The following RIBC2 variants were observed in gnomAD, a reference collection of about 807,000 sequenced individuals.
The protein encoded by RIBC2 is RIB43A-like with coiled-coils protein 2.
Under a neutral mutation model 44.3 loss-of-function variants are expected in RIBC2, and 40 were observed. The ratio of observed to expected loss-of-function variants is 0.90; its 90% confidence interval spans 0.70 to 1.18. RIBC2 has a LOEUF of 1.18. Among genes scored for constraint, RIBC2 ranks in the 50% most tolerant of loss-of-function variants. RIBC2 has a pLI of 0.00. For missense variants in RIBC2, 459 were observed against 485.5 expected (o/e 0.95, Z 0.51); for synonymous variants, 171 against 175.0 (o/e 0.98, Z 0.18).
chr22:45,421,565 T>TTATTAA (rs2087483340), intron 3 of RIBC2, among the ~76,000 whole-genome samples: 1 of 116,872 alleles, frequency 8.6e-6, no homozygotes, highest in African/African-American at 3.4e-5. Flanking sequence ...AATAGTATTA[T>TTATTAA]TAATAATAGT....
intron 5 of RIBC2, 75 bp from the exon 6 acceptor site, chr22:45,430,825 A>T: frequency 7.0e-7 from 1 of 1,437,392 alleles, no homozygotes; most frequent in South Asian, 1.5e-5. Context: ...ATGAGAGGCC[A>T]GGCCTCCTAG....
At chr22:45,421,579 A>G (rs2087484326) in intron 3 of RIBC2, among the ~76,000 whole-genome samples, 1 of 30,426 alleles carries the variant, frequency 3.3e-5, no homozygotes, top group African/African-American at 4.1e-4. Context: ...TAATAGTATT[A>G]TTAATAATAA....
chr22:45,426,843 T>G (rs1032328727), intron 5 of RIBC2, among the ~76,000 whole-genome samples: 1 of 151,728 alleles, frequency 6.6e-6, no homozygotes, highest in Non-Finnish European at 1.5e-5. Context: ...GGGCAGGCAG[T>G]GGGGGTGCTG....
At chr22:45,423,705 G>A (rs947523005) in intron 4 of RIBC2, among the ~76,000 whole-genome samples, 3 of 152,136 alleles carry the variant, frequency 2.0e-5, no homozygotes, top group African/African-American at 4.8e-5. Flanking sequence ...AACTGCGGGG[G>A]CTGGGGAGGA....
At chr22:45,427,101 A>G (rs779363663) in intron 5 of RIBC2, among the ~76,000 whole-genome samples, 24 of 152,200 alleles carry the variant, frequency 1.6e-4, no homozygotes, top group Non-Finnish European at 3.1e-4. Flanking sequence ...TCCATTAGAT[A>G]TCTGTATCTA....
rs370905815 is a variant in RIBC2, at chr22:45,414,500, A to T, written c.211+97A>T. ...CCCCCTGCCCCGCCTTTTTTTTTTT[A>T]TTTTTTATTTTTTTTATTTAATAGA... On this transcript the variant is annotated intron_variant, in intron 2 of 6. Coordinates refer to ENST00000614167, the MANE Select transcript of RIBC2 (RefSeq NM_015653.5). The T allele has an allele frequency of 1.6e-3, 1,124 of 714,118 alleles. 3 individuals carry two copies. Among genetic ancestry groups the T allele is most frequent in the East Asian group, 7.9e-3 (245 of 31,104 alleles). 44.2% of individuals were successfully genotyped at this position (714,118 alleles called of 1,614,324 possible). A position where few individuals can be genotyped will look rare whatever the true frequency, so the allele number is the denominator to read the frequency against.
chr22:45,414,378 T>C lies in RIBC2; in HGVS notation c.186T>C (p.Thr62=). 1 of 1,551,016 alleles carries C rather than the reference T, an allele frequency of 6.4e-7. No individual in the cohort carries two copies. The change falls in exon 2 of 7, where the codon ACT becomes ACC. Residue 62 remains threonine (T), a synonymous_variant. Transcript: ENST00000614167. ...QVHDQKIKEA[T]EKARHETFAA... Reference sequence around the variant, plus strand: ...ATGACCAGAAGATAAAAGAAGCTACTGAAAAAGCTAGACATGAAACCTTTG... The same window carrying C: ...ATGACCAGAAGATAAAAGAAGCTACCGAAAAAGCTAGACATGAAACCTTTG...
chr22:45,422,780 C>G (rs1178607827), intron 4 of RIBC2, among the ~76,000 whole-genome samples: 1 of 152,104 alleles, frequency 6.6e-6, no homozygotes, highest in African/African-American at 2.4e-5. Context: ...TCTCAGACTT[C>G]CCCTTTACTG....
In RIBC2 at chr22:45,417,855, G is replaced by C; in HGVS notation, c.465G>C (p.Glu155Asp). 6.2e-6 allele frequency: 10 copies of C among 1,614,112 alleles called. No homozygotes were observed. The highest frequency in any genetic ancestry group is 7.6e-6 in the Non-Finnish European group (9 of 1,180,012). The change falls in exon 3 of 7, where the codon GAG becomes GAC. Residue 155 changes from glutamate to aspartate, a missense_variant. Physicochemically the swap from Glu to Asp is conservative, Grantham distance 45 (BLOSUM62 2). Transcript: ENST00000614167. Reference sequence around the variant, plus strand: ...TGGGAGAGGATTTAAACTTCCATGAGAGGAAGAAATTCCAAGAGGAACAAA... The same window carrying C: ...TGGGAGAGGATTTAAACTTCCATGACAGGAAGAAATTCCAAGAGGAACAAA... ...KFMGEDLNFHERKKFQEEQNR... is the reference protein window; with the variant it reads ...KFMGEDLNFHDRKKFQEEQNR...
At chr22:45,423,831 G>A (rs1249063626) in intron 4 of RIBC2, among the ~76,000 whole-genome samples, 1 of 152,162 alleles carries the variant, frequency 6.6e-6, no homozygotes, top group Non-Finnish European at 1.5e-5. Flanking sequence ...AAGAGGGGAG[G>A]CTGTTTGCTC....
chr22:45,419,470 A>T (rs1218091645), intron 3 of RIBC2, among the ~76,000 whole-genome samples: 1 of 152,150 alleles, frequency 6.6e-6, no homozygotes, highest in Non-Finnish European at 1.5e-5. Context: ...GCAGTGGCTC[A>T]TGCCTGTAAT....
chr22:45,431,113 G>C (rs1199633375), intron 6 of RIBC2, 47 bp downstream of exon 6: 2 of 1,548,740 alleles, frequency 1.3e-6, no homozygotes. Flanking sequence ...CGGGTGGAGG[G>C]ACCGCGGGGC....
intron 5 of RIBC2, among the ~76,000 whole-genome samples, chr22:45,427,349 G>A (rs1186097072): frequency 6.6e-6 from 1 of 152,230 alleles, no homozygotes; most frequent in Non-Finnish European, 1.5e-5. Flanking sequence ...TACCAGGAAG[G>A]AGGAATGGAG....
chr22:45,414,126 C>G (rs1354272456), intron 1 of RIBC2, 111 bp downstream of exon 1: 1 of 1,487,352 alleles, frequency 6.7e-7, no homozygotes, highest in Non-Finnish European at 9.0e-7. Flanking sequence ...CAGGAGGCAG[C>G]AAACGGCCTC....
chr22:45,426,076 C>T lies in RIBC2; in HGVS notation c.804C>T (p.Phe268=), dbSNP rs1022478. ...ACCCGCAGCAGGCAGCCAGCTCCTT[C>T]GGGCCCCACCGCGTGGTCCCTGACC... ...SENPQQAASS[F]GPHRVVPDRW... Residue 268 remains phenylalanine (F), a synonymous_variant, in exon 5 of 7, where the codon TTC becomes TTT. Coordinates refer to ENST00000614167, the MANE Select transcript of RIBC2 (RefSeq NM_015653.5). 1.7e-4 allele frequency: 282 copies of T among 1,613,678 alleles called. No individual in the cohort carries two copies. Among genetic ancestry groups the T allele is most frequent in the Admixed American group, 6.5e-4 (39 of 59,968 alleles).
Position 45,416,380 on chromosome 22 carries a change from A to G in RIBC2, c.212-1222A>G, listed in dbSNP as rs142511232. ...GAAGTGGAATTGATGGATCAAAGGT[A>G]GTTTTATGGGATATTGAAAAATTGT... On this transcript the variant is annotated intron_variant, in intron 2 of 6. Coordinates refer to ENST00000614167, the MANE Select transcript of RIBC2 (RefSeq NM_015653.5). 3.7e-4 allele frequency among the ~76,000 whole-genome samples: 56 copies of G among 152,222 alleles called. 1 individual carries two copies. In the East Asian group the frequency reaches 9.1e-3, roughly 25 times the overall value.
chr22:45,421,951 G>T (rs886790173), intron 3 of RIBC2, among the ~76,000 whole-genome samples: 1 of 152,046 alleles, frequency 6.6e-6, no homozygotes, highest in Admixed American at 6.6e-5. Flanking sequence ...CTCTGCACCT[G>T]CTCCCAACCC....
rs1027011224 is a variant in RIBC2, at chr22:45,413,729, C to T, written c.-158C>T. On this transcript the variant is annotated 5_prime_UTR_variant, in exon 1 of 7. Transcript: ENST00000614167. ...TTCCGAGAGAGCGGGAGCGTCTGTA[C>T]CTCTGCGGCGTCACTGGGAGCCCGA... is the stretch of plus-strand genomic sequence containing the variant. 1.7e-6 allele frequency: 2 copies of T among 1,187,216 alleles called. No homozygotes were observed. The highest frequency in any genetic ancestry group is 2.4e-6 in the Non-Finnish European group (2 of 848,590). The allele number at this position is 1,187,216 out of a possible 1,614,324, so 73.5% of individuals were successfully genotyped here.
chr22:45,431,626 T>G (rs9614665), intron 6 of RIBC2, among the ~76,000 whole-genome samples: 94,167 of 152,036 alleles, frequency 0.62, 31,557 homozygotes, highest in African/African-American at 0.88. Context: ...TCTGGTTGCT[T>G]GTGGGTCCAT....
Sources: allele counts gnomAD v4.1 joint callset (sites outside exome capture counted in the v4.1 genomes callset), GRCh38; gene constraint gnomAD v4.1.1; transcripts MANE v1.5; gene names NCBI Gene and HGNC (gene_info 2026-07-23, HGNC 2026-07-21).